The following ZDHHC14 variants were observed in gnomAD, a reference collection of about 807,000 sequenced individuals.
ZDHHC14 encodes zDHHC palmitoyltransferase 14, also known as palmitoyltransferase ZDHHC14.
A neutral mutation model predicts 47.7 loss-of-function variants in ZDHHC14; 16 were observed. The ratio of observed to expected loss-of-function variants is 0.34; its 90% CI spans 0.23 to 0.51. The LOEUF (loss-of-function observed/expected upper bound fraction) is 0.51. Among genes scored for constraint, ZDHHC14 ranks in the 20% least tolerant of loss-of-function variants. The probability of loss-of-function intolerance (pLI) is 0.97; values close to 1 mark genes in which losing one functional copy is unlikely to be tolerated. For synonymous variants in ZDHHC14, 293 were observed against 278.9 expected, an observed-to-expected ratio of 1.05 and a Z score of -0.50; for missense variants, 515 against 662.5, an observed-to-expected ratio of 0.78 and a Z score of 2.44.
chr6:157,465,914 T>C (rs1399575659), intron 1 of ZDHHC14, among the ~76,000 whole-genome samples: 1 of 152,012 alleles, frequency 6.6e-6, no homozygotes, highest in Non-Finnish European at 1.5e-5. Flanking sequence ...TGGTGGCGGG[T>C]GCCTGTAATC....
chr6:157,535,761 A>G (rs1259700292), intron 1 of ZDHHC14, among the ~76,000 whole-genome samples: 1 of 151,980 alleles, frequency 6.6e-6, no homozygotes, highest in Non-Finnish European at 1.5e-5. Flanking sequence ...GAAATCATCT[A>G]TTTGGTTTTT....
chr6:157,482,446 G>T (rs994004063), intron 1 of ZDHHC14, among the ~76,000 whole-genome samples: 3 of 151,556 alleles, frequency 2.0e-5, no homozygotes, highest in Non-Finnish European at 4.4e-5. Context: ...AGAGACCGGG[G>T]TTTCACCATG....
chr6:157,592,721 A>C, intron 2 of ZDHHC14: 1 of 1,212,238 alleles, frequency 8.2e-7, no homozygotes, highest in Non-Finnish European at 1.0e-6. Context: ...GGGGCTCCAC[A>C]GGGAGGGCCT....
intron 7 of ZDHHC14, among the ~76,000 whole-genome samples, chr6:157,649,866 C>T (rs971458498): frequency 7.2e-5 from 11 of 152,236 alleles, no homozygotes; most frequent in Admixed American, 7.2e-4. Flanking sequence ...CAGTGTCACA[C>T]CAGACTTGGG....
intron 3 of ZDHHC14, among the ~76,000 whole-genome samples, chr6:157,610,801 A>G (rs1784723015): frequency 6.6e-6 from 1 of 152,184 alleles, no homozygotes; most frequent in Non-Finnish European, 1.5e-5. Flanking sequence ...GCATTCTCTC[A>G]CCAGGCAAAG....
chr6:157,464,026 AAAAAT>A (rs747312015), intron 1 of ZDHHC14, among the ~76,000 whole-genome samples: 49 of 152,344 alleles, frequency 3.2e-4, no homozygotes, highest in Middle Eastern at 3.4e-3. Flanking sequence ...TTCTGTCTCA[AAAAAT>A]AAAATAAAAT....
chr6:157,530,116 G>A (rs1459668146), intron 1 of ZDHHC14, among the ~76,000 whole-genome samples: 1 of 152,154 alleles, frequency 6.6e-6, no homozygotes, highest in Non-Finnish European at 1.5e-5. Context: ...CTTACTATCT[G>A]GCTGCCTGTT....
intron 7 of ZDHHC14, 127 bp downstream of exon 7, chr6:157,647,495 G>A (rs949177050): frequency 2.8e-5 from 17 of 604,054 alleles, no homozygotes; most frequent in Non-Finnish European, 4.7e-5. Flanking sequence ...GTGCCGCGTG[G>A]ATGTGGCCTT....
intron 1 of ZDHHC14, among the ~76,000 whole-genome samples, chr6:157,457,348 G>A (rs993391508): frequency 6.6e-6 from 1 of 152,170 alleles, no homozygotes; most frequent in Non-Finnish European, 1.5e-5. Flanking sequence ...GGGAATGCTA[G>A]CTGGTATTGT....
rs910335870 is a variant in ZDHHC14 at position 157,559,343 on chromosome 6, C to T, written c.406+16598C>T. Among the ~76,000 whole-genome samples, 10 of 152,234 alleles carry T rather than the reference C, an allele frequency of 6.6e-5. 1 individual carries two copies. The highest frequency in any genetic ancestry group is 3.9e-4 in the Admixed American group (6 of 15,290). Reference sequence around the variant, plus strand: ...GATGTGGCAACAGTCGGCCCCGCTTCCTGGCTGACGCGCTCTTCTCCAGGA... The same window carrying T: ...GATGTGGCAACAGTCGGCCCCGCTTTCTGGCTGACGCGCTCTTCTCCAGGA... On this transcript the variant is annotated intron_variant, in intron 2 of 8. Transcript: ENST00000359775.
At chr6:157,556,547 C>T (rs1782471752) in intron 2 of ZDHHC14, among the ~76,000 whole-genome samples, 1 of 152,246 alleles carries the variant, frequency 6.6e-6, no homozygotes, top group African/African-American at 2.4e-5. Context: ...GGGGATGGAG[C>T]TCCTGTCGCC....
chr6:157,405,974 A>G (rs1016775868), intron 1 of ZDHHC14, among the ~76,000 whole-genome samples: 4 of 152,084 alleles, frequency 2.6e-5, no homozygotes, highest in Admixed American at 1.3e-4. Context: ...GACCTCCCCA[A>G]TTTTTCCATC....
intron 2 of ZDHHC14, among the ~76,000 whole-genome samples, chr6:157,588,030 G>A (rs1368315385): frequency 5.3e-5 from 8 of 152,092 alleles, no homozygotes; most frequent in Non-Finnish European, 1.0e-4. Context: ...CAAGGCAGGC[G>A]GGCCACCTGA....
chr6:157,577,405 G>C (rs906406013), intron 2 of ZDHHC14, among the ~76,000 whole-genome samples: 9 of 152,192 alleles, frequency 5.9e-5, no homozygotes, highest in African/African-American at 2.2e-4. Context: ...GGGCTGAATG[G>C]TAATTCTATT....
At position 157,415,603 on chromosome 6, in the gene ZDHHC14, G is replaced by A. The variant is rs546336512; in HGVS notation, c.245+33337G>A. ...AAAAGTTGGTGGCAAGGCCAGGTAC[G>A]GTGACTTACACCTGTAATCCCAGCA... On this transcript the variant is annotated intron_variant, in intron 1 of 8. Transcript: ENST00000359775. Among the ~76,000 whole-genome samples the A allele has an allele frequency of 7.2e-5, 11 of 152,306 alleles. No homozygotes were observed. In the East Asian group the frequency reaches 9.7e-4, roughly 13 times the overall value.
chr6:157,508,511 A>T (rs1358858751), intron 1 of ZDHHC14, among the ~76,000 whole-genome samples: 1 of 152,070 alleles, frequency 6.6e-6, no homozygotes, highest in African/African-American at 2.4e-5. Flanking sequence ...GACTACAGCC[A>T]TGTGCCACCA....
intron 8 of ZDHHC14, among the ~76,000 whole-genome samples, chr6:157,657,565 T>C (rs1743583): frequency 0.73 from 111,575 of 152,054 alleles, 41,287 homozygotes; most frequent in African/African-American, 0.83. Flanking sequence ...ATCAAGGTCT[T>C]GCTTTAAAGC....
chr6:157,381,551 C>T lies in ZDHHC14; in HGVS notation c.-471C>T, dbSNP rs1375346724. On this transcript the variant is annotated 5_prime_UTR_variant, in exon 1 of 9. Transcript: ENST00000359775. The stretch of plus-strand genomic sequence containing the variant: ...AAGGAGTGGACCCAACCTGGCCGCG[C>T]CGCAGAAGTGGCTCCCGAGGAAGCC... The T allele has an allele frequency of 4.9e-6, 2 of 405,368 alleles. No homozygotes were observed. Among genetic ancestry groups the T allele is most frequent in the East Asian group, 1.2e-4 (1 of 8,248 alleles). 25.1% of individuals were successfully genotyped at this position (405,368 alleles called of 1,614,324 possible). A position where few individuals can be genotyped will look rare whatever the true frequency, so the allele number is the denominator to read the frequency against.
chr6:157,502,031 G>A lies in ZDHHC14; in HGVS notation c.246-40554G>A, dbSNP rs937276957. 3.3e-5 allele frequency among the ~76,000 whole-genome samples: 5 copies of A among 152,268 alleles called. No individual in the cohort carries two copies. The highest frequency in any genetic ancestry group is 3.4e-3 in the Middle Eastern group (1 of 294). On this transcript the variant is annotated intron_variant, in intron 1 of 8. Coordinates refer to ENST00000359775, the MANE Select transcript of ZDHHC14 (RefSeq NM_024630.3). The surrounding 1 kb of genome is among the most constrained non-coding windows in gnomAD (Gnocchi z 4.0). ...TGGCATTAACACCACAGATATGTAC[G>A]GAGCACTTATGATGTATTCTCATAA...
Sources: allele counts gnomAD v4.1 joint callset (sites outside exome capture counted in the v4.1 genomes callset), GRCh38; gene constraint gnomAD v4.1.1; non-coding constraint Gnocchi (gnomAD v3.1); transcripts MANE v1.5; gene names NCBI Gene and HGNC (gene_info 2026-07-23, HGNC 2026-07-21).